The following FAM184A variants were observed in gnomAD, a reference collection of about 807,000 sequenced individuals.
The protein encoded by FAM184A is protein FAM184A.
A neutral mutation model predicts 143.8 loss-of-function variants in FAM184A; 99 were observed. The observed-to-expected ratio is 0.69, with a 90% CI of 0.58 to 0.81. The LOEUF (loss-of-function observed/expected upper bound fraction) is 0.81, where lower values mean the gene tolerates loss of function less well. FAM184A is among the 40% of genes least tolerant of loss of function. The probability of loss-of-function intolerance (pLI) is 0.00; values close to 1 mark genes in which losing one functional copy is unlikely to be tolerated. For synonymous variants in FAM184A, 427 were observed against 446.4 expected (o/e 0.96, Z 0.55); for missense variants, 1,217 against 1,310.5 (o/e 0.93, Z 1.10).
At chr6:119,032,614 G>A (rs1485448549) in intron 1 of FAM184A, among the ~76,000 whole-genome samples, 11 of 144,736 alleles carry the variant, frequency 7.6e-5, no homozygotes. Flanking sequence ...AGGGGGGAGA[G>A]GGAGGGGGAG....
chr6:119,018,980 T>A (rs75302708), intron 4 of FAM184A, among the ~76,000 whole-genome samples: 2,471 of 152,120 alleles, frequency 0.016, 26 homozygotes, highest in South Asian at 0.028. Context: ...TAACTTGATG[T>A]TTGTGAAAAA....
intron 1 of FAM184A, among the ~76,000 whole-genome samples, chr6:119,027,807 A>C (rs1785711261): frequency 1.3e-5 from 2 of 152,116 alleles, no homozygotes; most frequent in Non-Finnish European, 2.9e-5. Context: ...ATGAAGACTA[A>C]ATTTTAGCTA....
rs1182244162 is a variant in FAM184A at position 118,959,869 on chromosome 6, G to A, written c.*234C>T. The A allele has an allele frequency of 6.4e-6, 2 of 310,136 alleles. No individual in the cohort carries two copies. Among genetic ancestry groups the A allele is most frequent in the Non-Finnish European group, 1.2e-5 (2 of 170,126 alleles). 19.2% of individuals were successfully genotyped at this position (310,136 alleles called of 1,614,324 possible). ...AATTTATTATGCAGTAATTACAAAG[G>A]TTAAAGACTCTTCCATCTCAAATAA... On this transcript the variant is annotated 3_prime_UTR_variant, in exon 18 of 18. Transcript: ENST00000338891.
chr6:119,005,361 A>G (rs1265390524), intron 7 of FAM184A: 1 of 152,236 alleles, frequency 6.6e-6, no homozygotes, highest in African/African-American at 2.4e-5. Flanking sequence ...CACACAGAAT[A>G]TATCATAGAT....
At position 119,011,292 on chromosome 6, in the gene FAM184A, G is replaced by T. The variant is rs3734379; in HGVS notation, c.1653+17C>A. On this transcript the variant is annotated intron_variant, in intron 6 of 17. Coordinates refer to ENST00000338891, the MANE Select transcript of FAM184A (RefSeq NM_024581.6). Reference sequence around the variant, plus strand: ...TTAAAATCTATAACATAGGCAACAGGTCTAAAGAATTCTTGCCTCTTGATT... The same window carrying T: ...TTAAAATCTATAACATAGGCAACAGTTCTAAAGAATTCTTGCCTCTTGATT... 2,468 of 1,602,794 alleles carry T rather than the reference G, an allele frequency of 1.5e-3. 8 individuals are homozygous for T. In the East Asian group the frequency reaches 0.019, roughly 12 times the overall value.
intron 1 of FAM184A, among the ~76,000 whole-genome samples, chr6:119,101,789 C>T (rs1788644052): frequency 6.6e-6 from 1 of 152,184 alleles, no homozygotes. Context: ...GGTGCGGTGA[C>T]TCACGCCTGT....
chr6:118,994,886 A>G (rs1441054306), intron 9 of FAM184A, among the ~76,000 whole-genome samples: 2 of 152,148 alleles, frequency 1.3e-5, no homozygotes, highest in Non-Finnish European at 2.9e-5. Context: ...GGGCTTAATA[A>G]AAAGCACTAC....
intron 9 of FAM184A, among the ~76,000 whole-genome samples, chr6:119,000,665 T>G (rs1481468277): frequency 1.3e-5 from 2 of 152,174 alleles, no homozygotes; most frequent in South Asian, 2.1e-4. Context: ...TCAGGTATGT[T>G]AAGGTATAAA....
At chr6:119,066,651 TAGTAATG>T (rs1324236706) in intron 1 of FAM184A, among the ~76,000 whole-genome samples, 2 of 152,216 alleles carry the variant, frequency 1.3e-5, no homozygotes, top group African/African-American at 2.4e-5. Context: ...AGCAATATTA[TAGTAATG>T]AGCTTGGCTC....
intron 1 of FAM184A, among the ~76,000 whole-genome samples, chr6:119,128,839 GA>G: frequency 6.6e-6 from 1 of 152,112 alleles, no homozygotes; most frequent in South Asian, 2.1e-4. Context: ...GTGGATGGGG[GA>G]GGGGCCCTGG....
chr6:119,108,128 A>AGTGCGT lies in FAM184A; in HGVS notation c.-202+40949_-202+40950insACGCAC, dbSNP rs1554197078. Among the ~76,000 whole-genome samples the AGTGCGT allele has an allele frequency of 4.7e-5, 7 of 147,378 alleles. No homozygotes were observed. The East Asian group carries it at 1.2e-3, about 25-fold the overall frequency. On this transcript the variant is annotated intron_variant, in intron 1 of 16. Coordinates refer to the FAM184A transcript ENST00000352896. ...TTTGAAAGTTTGAGAAGCACTTGTT[A>AGTGCGT]GTGTGTGTGTGTGTGTGTGTGTGGT...
At chr6:118,960,789 AG>A in intron 17 of FAM184A, 1 of 1,365,356 alleles carries the variant, frequency 7.3e-7, no homozygotes, top group Non-Finnish European at 9.8e-7. Flanking sequence ...GAAAATTACA[AG>A]GCACGCAACA....
At chr6:119,080,494 A>G (rs1403563005), upstream of FAM184A, among the ~76,000 whole-genome samples, 1 of 152,202 alleles carries the variant, frequency 6.6e-6, no homozygotes, top group Non-Finnish European at 1.5e-5. Flanking sequence ...ATTTTTCCCC[A>G]CGACAATGGG....
intron 1 of FAM184A, among the ~76,000 whole-genome samples, chr6:119,120,757 C>CT (rs56209201): frequency 1.6e-4 from 24 of 147,560 alleles, no homozygotes; most frequent in Middle Eastern, 3.5e-3. Flanking sequence ...AAATGTATTA[C>CT]TTTTTTTTTT....
chr6:118,987,858 T>C (rs1410846877), intron 9 of FAM184A, among the ~76,000 whole-genome samples: 1 of 152,206 alleles, frequency 6.6e-6, no homozygotes, highest in East Asian at 1.9e-4. Context: ...CAATTGGCTT[T>C]ATAATAAATA....
intron 16 of FAM184A, 27 bp downstream of exon 16, chr6:118,964,640 C>CT (rs773957483): frequency 2.7e-5 from 34 of 1,278,028 alleles, no homozygotes; most frequent in Non-Finnish European, 3.0e-5. Flanking sequence ...AACCACATTC[C>CT]TATTCTACAG....
chr6:119,069,559 T>G (rs1427450397), intron 1 of FAM184A, among the ~76,000 whole-genome samples: 1 of 152,148 alleles, frequency 6.6e-6, no homozygotes, highest in Non-Finnish European at 1.5e-5. Flanking sequence ...ACACTTCATT[T>G]TATAAGTAAA....
At chr6:119,127,153 G>A (rs1164352305) in intron 1 of FAM184A, among the ~76,000 whole-genome samples, 1 of 152,252 alleles carries the variant, frequency 6.6e-6, no homozygotes, top group African/African-American at 2.4e-5. Context: ...TTCCAGGCTC[G>A]AGGGTGGGGC....
chr6:119,050,915 G>A (rs150504127), intron 1 of FAM184A, among the ~76,000 whole-genome samples: 15 of 152,098 alleles, frequency 9.9e-5, no homozygotes, highest in South Asian at 2.1e-4. Context: ...ACCAAATATC[G>A]CAGGTTTTCA....
Sources: gnomAD v4.1 joint callset for allele counts (sites outside exome capture counted in the v4.1 genomes callset) on GRCh38, gnomAD v4.1.1 for gene constraint, MANE v1.5 for transcripts, NCBI Gene and HGNC (gene_info 2026-07-23, HGNC 2026-07-21) for gene names.